The following OVOL2 variants were observed in gnomAD, a reference collection of about 807,000 sequenced individuals.
OVOL2 encodes ovo like zinc finger 2, also known as transcription factor Ovo-like 2.
A neutral mutation model predicts 18.1 loss-of-function variants in OVOL2; 13 were observed. The ratio of observed to expected loss-of-function variants is 0.72; its 90% CI spans 0.47 to 1.14. The LOEUF (loss-of-function observed/expected upper bound fraction) is 1.14, where lower values mean the gene tolerates loss of function less well. OVOL2 is among the 50% of genes most tolerant of loss of function. The pLI is 0.00. For missense variants in OVOL2, 335 were observed against 383.0 expected (o/e 0.87, Z 1.05); for synonymous variants, 166 against 162.7 (o/e 1.02, Z -0.16).
At chr20:18,025,513 G>C (rs959525085) in intron 3 of OVOL2, among the ~76,000 whole-genome samples, 1 of 152,122 alleles carries the variant, frequency 6.6e-6, no homozygotes, top group South Asian at 2.1e-4. Context: ...AGGTTGTAGC[G>C]AGCTGAGATC....
intron 3 of OVOL2, among the ~76,000 whole-genome samples, chr20:18,035,296 C>T (rs1452803721): frequency 6.6e-6 from 1 of 152,070 alleles, no homozygotes; most frequent in Non-Finnish European, 1.5e-5. Context: ...ACTAAAAATA[C>T]AAAAATTAGC....
intron 2 of OVOL2, among the ~76,000 whole-genome samples, chr20:18,053,126 T>TC (rs1438432662): frequency 6.6e-6 from 1 of 152,200 alleles, no homozygotes; most frequent in Non-Finnish European, 1.5e-5. Flanking sequence ...AATCTGCACC[T>TC]CGGACTCCTT....
chr20:18,054,836 C>T (rs2036804620), intron 2 of OVOL2, among the ~76,000 whole-genome samples: 1 of 151,008 alleles, frequency 6.6e-6, no homozygotes, highest in Non-Finnish European at 1.5e-5. Context: ...ATTGTGAGTT[C>T]AGCATGCCTT....
At chr20:18,048,284 C>A (rs1022909532) in intron 2 of OVOL2, among the ~76,000 whole-genome samples, 11 of 151,172 alleles carry the variant, frequency 7.3e-5, no homozygotes, top group Non-Finnish European at 1.2e-4. Context: ...AAGACTGTCT[C>A]AAAAGAAGAA....
chr20:18,046,834 A>C (rs948095271), intron 2 of OVOL2, among the ~76,000 whole-genome samples: 2 of 152,176 alleles, frequency 1.3e-5, no homozygotes, highest in Non-Finnish European at 2.9e-5. Context: ...AAAAAGAGTT[A>C]ATCGATCTTA....
At chr20:18,032,017 T>C (rs1342873296) in intron 3 of OVOL2, among the ~76,000 whole-genome samples, 1 of 151,714 alleles carries the variant, frequency 6.6e-6, no homozygotes, top group Non-Finnish European at 1.5e-5. Context: ...CTTGTGGGAG[T>C]GGACATTTAC....
intron 2 of OVOL2, among the ~76,000 whole-genome samples, chr20:18,049,094 C>A (rs2036749125): frequency 6.6e-6 from 1 of 152,186 alleles, no homozygotes; most frequent in African/African-American, 2.4e-5. Flanking sequence ...GCTCTCCAAC[C>A]CCATGGCCTG....
chr20:18,053,861 C>A (rs546379374), intron 2 of OVOL2, among the ~76,000 whole-genome samples: 1 of 152,130 alleles, frequency 6.6e-6, no homozygotes, highest in Non-Finnish European at 1.5e-5. Flanking sequence ...CGCCAACTCT[C>A]TCCCTGACCC....
intron 3 of OVOL2, among the ~76,000 whole-genome samples, chr20:18,030,731 G>A (rs2036561052): frequency 6.6e-6 from 1 of 152,240 alleles, no homozygotes; most frequent in African/African-American, 2.4e-5. Flanking sequence ...CGCAGACAGA[G>A]ATGGAAAGGA....
intron 3 of OVOL2, among the ~76,000 whole-genome samples, chr20:18,029,843 G>A (rs866250757): frequency 6.6e-6 from 1 of 152,046 alleles, no homozygotes; most frequent in Non-Finnish European, 1.5e-5. Flanking sequence ...GCTGGGCATG[G>A]TGGCATGCCC....
At chr20:18,048,632 G>T (rs2036744718) in intron 2 of OVOL2, among the ~76,000 whole-genome samples, 1 of 136,178 alleles carries the variant, frequency 7.3e-6, no homozygotes, top group African/African-American at 2.8e-5. Flanking sequence ...AGGCTGAGGT[G>T]GGGGGCGGCG....
Position 18,056,647 on chromosome 20 carries a change from G to C in OVOL2, c.321+10C>G. ...TGCAGGTGGCGGCGGGGGCAGAGTC[G>C]ACACAGTACCTTGATTTTCGATCTG... On this transcript the variant is annotated intron_variant, in intron 2 of 3. Coordinates refer to ENST00000278780, the MANE Select transcript of OVOL2 (RefSeq NM_021220.4). This position sits in a 1 kb window ranked among gnomAD's most constrained non-coding sequence, Gnocchi z 4.2. The C allele has an allele frequency of 5.0e-6, 7 of 1,404,240 alleles. No individual in the cohort carries two copies. The highest frequency in any genetic ancestry group is 6.5e-6 in the Non-Finnish European group (7 of 1,080,636). The allele number at this position is 1,404,240 out of a possible 1,614,324, so 87.0% of individuals were successfully genotyped here. A position where few individuals can be genotyped will look rare whatever the true frequency, so the allele number is the denominator to read the frequency against.
chr20:18,055,086 C>CA (rs2036807753), intron 2 of OVOL2, among the ~76,000 whole-genome samples: 6 of 152,082 alleles, frequency 3.9e-5, no homozygotes, highest in African/African-American at 1.4e-4. Flanking sequence ...CTGTGCCTCC[C>CA]GCCCCCCTTC....
intron 3 of OVOL2, among the ~76,000 whole-genome samples, chr20:18,034,651 T>TCACA (rs1555794800): frequency 6.9e-6 from 1 of 145,614 alleles, no homozygotes; most frequent in African/African-American, 2.6e-5. Context: ...TCTCTCTCTC[T>TCACA]CACACACACA....
chr20:18,039,451 A>G (rs1690346825), intron 3 of OVOL2, among the ~76,000 whole-genome samples: 1 of 151,882 alleles, frequency 6.6e-6, no homozygotes, highest in Admixed American at 6.6e-5. Context: ...ACGAAATCTC[A>G]TCTCTACAAA....
Position 18,056,918 on chromosome 20 carries a change from G to A in OVOL2, c.101-41C>T, listed in dbSNP as rs751382739. 117 of 1,451,450 alleles carry A rather than the reference G, an allele frequency of 8.1e-5. No homozygotes were observed. The highest frequency in any genetic ancestry group is 5.9e-5 in the African/African-American group (4 of 67,536). 89.9% of individuals were successfully genotyped at this position (1,451,450 alleles called of 1,614,324 possible). On this transcript the variant is annotated intron_variant, in intron 1 of 3. Coordinates refer to ENST00000278780, the MANE Select transcript of OVOL2 (RefSeq NM_021220.4). This position sits in a 1 kb window ranked among gnomAD's most constrained non-coding sequence, Gnocchi z 4.2. The stretch of plus-strand genomic sequence containing the variant: ...CCGCGCCCCGACACACACACTCGGC[G>A]TCAACCCGCACGCCCGCGGCAGTTT...
At chr20:18,038,126 A>G (rs1368913137) in intron 3 of OVOL2, among the ~76,000 whole-genome samples, 1 of 152,180 alleles carries the variant, frequency 6.6e-6, no homozygotes, top group Non-Finnish European at 1.5e-5. Context: ...TCTGTCTGGC[A>G]TATCGGCTGT....
At chr20:18,025,461 C>T (rs1264667505) in intron 3 of OVOL2, among the ~76,000 whole-genome samples, 7 of 151,828 alleles carry the variant, frequency 4.6e-5, no homozygotes, top group Non-Finnish European at 7.4e-5. Flanking sequence ...CCCAGCAACT[C>T]GGGAGGCTGA....
In OVOL2 at chr20:18,057,014, G is replaced by T; in HGVS notation, c.101-137C>A. ...CTCGCCAAGTGGGCAACGTCGCGGG[G>T]GAGGCCAGTAAGCCCCGAATCGGCC... is the stretch of plus-strand genomic sequence containing the variant. On this transcript the variant is annotated intron_variant, in intron 1 of 3. Coordinates refer to ENST00000278780, the MANE Select transcript of OVOL2 (RefSeq NM_021220.4). The surrounding 1 kb of genome is among the most constrained non-coding windows in gnomAD (Gnocchi z 6.3). 1 of 1,021,946 alleles carries T rather than the reference G, an allele frequency of 9.8e-7. No homozygotes were observed. The highest frequency in any genetic ancestry group is 1.3e-6 in the Non-Finnish European group (1 of 758,288). 63.3% of individuals were successfully genotyped at this position (1,021,946 alleles called of 1,614,324 possible).
Sources: gnomAD v4.1 joint callset for allele counts (sites outside exome capture counted in the v4.1 genomes callset) on GRCh38, gnomAD v4.1.1 for gene constraint, Gnocchi (gnomAD v3.1) non-coding constraint, MANE v1.5 for transcripts, NCBI Gene and HGNC (gene_info 2026-07-23, HGNC 2026-07-21) for gene names.